TYW1: variants seen among roughly 807,000 people sequenced by gnomAD.
TYW1 encodes the protein tRNA-yW synthesizing protein 1 homolog, also known as S-adenosyl-L-methionine-dependent tRNA 4-demethylwyosine synthase TYW1.
In TYW1, 46 loss-of-function variants were observed where a neutral mutation model predicts 96.2. The observed-to-expected ratio is 0.48, with a 90% CI of 0.38 to 0.61. The LOEUF is 0.61. Ranked by LOEUF, TYW1 falls within the 20% of genes least tolerant of loss-of-function variation. The pLI is 0.00. For synonymous variants in TYW1, 274 were observed against 323.0 expected, an observed-to-expected ratio of 0.85 and a Z score of 1.63; for missense variants, 684 against 909.6, an observed-to-expected ratio of 0.75 and a Z score of 3.19.
At chr7:67,200,441 G>A (rs1180659463) in intron 15 of TYW1, among the ~76,000 whole-genome samples, 3 of 152,128 alleles carry the variant, frequency 2.0e-5, no homozygotes, top group Non-Finnish European at 2.9e-5. Context: ...GGTGTTAGAC[G>A]AGAGAAAAGA....
intron 13 of TYW1, among the ~76,000 whole-genome samples, chr7:67,180,424 A>ATATATATATT (rs1341437613): frequency 1.1e-3 from 91 of 81,876 alleles, no homozygotes; most frequent in Non-Finnish European, 1.8e-3. Context: ...ATATATATAT[A>ATATATATATT]ATTTTTTTTT....
intron 15 of TYW1, among the ~76,000 whole-genome samples, chr7:67,228,725 T>C (rs1801644524): frequency 6.6e-6 from 1 of 152,244 alleles, no homozygotes; most frequent in South Asian, 2.1e-4. Flanking sequence ...GACCTTTGTA[T>C]GATTAGAACT....
At chr7:67,078,778 C>T (rs1490511210) in intron 10 of TYW1, among the ~76,000 whole-genome samples, 1 of 151,986 alleles carries the variant, frequency 6.6e-6, no homozygotes, top group Non-Finnish European at 1.5e-5. Context: ...CTGCAACCTC[C>T]ACCTCCTGGG....
chr7:67,016,121 G>GA (rs1418890018), intron 5 of TYW1, among the ~76,000 whole-genome samples: 1 of 151,478 alleles, frequency 6.6e-6, no homozygotes, highest in Non-Finnish European at 1.5e-5. Context: ...CTCTACACTT[G>GA]AAAAAATGAA....
In TYW1 at chr7:67,149,526, A is replaced by G. The variant is rs1798723473; in HGVS notation, c.1698+31908A>G. ...GAGATATTGGATTGAAATAAATACC[A>G]TTTATATTCAGCCATTTGCACCTTC... On this transcript the variant is annotated intron_variant, in intron 13 of 15. Coordinates refer to ENST00000359626, the MANE Select transcript of TYW1 (RefSeq NM_018264.4). Among the ~76,000 whole-genome samples the G allele has an allele frequency of 4.6e-5, 7 of 152,136 alleles. No individual in the cohort carries two copies. In the South Asian group the frequency reaches 1.5e-3, roughly 32 times the overall value.
intron 10 of TYW1, among the ~76,000 whole-genome samples, chr7:67,076,506 C>T (rs914105990): frequency 2.4e-4 from 36 of 151,756 alleles, no homozygotes; most frequent in South Asian, 4.2e-4. Context: ...GACAGAGTCT[C>T]GCTCTTTTGC....
At position 66,998,195 on chromosome 7, in the gene TYW1, G is replaced by A. The variant is rs752949421; in HGVS notation, c.135G>A (p.Gln45=). 1.3e-6 allele frequency: 2 copies of A among 1,592,674 alleles called. No individual in the cohort carries two copies. Among genetic ancestry groups the A allele is most frequent in the Non-Finnish European group, 1.7e-6 (2 of 1,174,670 alleles). Residue 45 remains glutamine, a splice_region_variant and synonymous_variant, in exon 2 of 16, where the codon CAG becomes CAA. Transcript: ENST00000359626. ...WICVQIVIKT[Q]GKNLQEKSVP... is the part of the protein sequence containing the mutation. ...GTGTCCAGATTGTCATCAAGACGCA[G>A]GTAAGTGGAGTTATTTTTTTTTTAA... is the stretch of plus-strand genomic sequence containing the variant.
At chr7:67,004,687 C>G (rs1286839217) in intron 3 of TYW1, among the ~76,000 whole-genome samples, 3 of 152,144 alleles carry the variant, frequency 2.0e-5, no homozygotes, top group Admixed American at 6.6e-5. Flanking sequence ...ATTTGTTTGC[C>G]TGAAAGGATC....
At chr7:67,041,559 C>T (rs1262103838) in intron 7 of TYW1, among the ~76,000 whole-genome samples, 1 of 152,150 alleles carries the variant, frequency 6.6e-6, no homozygotes, top group East Asian at 1.9e-4. Flanking sequence ...CTCAGCCTCT[C>T]GAAGTGCTGG....
chr7:66,998,202 G>A lies in TYW1; in HGVS notation c.135+7G>A. 1 of 1,588,418 alleles carries A rather than the reference G, an allele frequency of 6.3e-7. No homozygotes were observed. The highest frequency in any genetic ancestry group is 8.5e-7 in the Non-Finnish European group (1 of 1,173,018). On this transcript the variant is annotated splice_region_variant and intron_variant, in intron 2 of 15. Transcript: ENST00000359626. ...GATTGTCATCAAGACGCAGGTAAGT[G>A]GAGTTATTTTTTTTTTAATGGAGTA...
At chr7:67,064,004 A>G (rs1795783851) in intron 9 of TYW1, among the ~76,000 whole-genome samples, 2 of 152,238 alleles carry the variant, frequency 1.3e-5, no homozygotes, top group South Asian at 2.1e-4. Flanking sequence ...TTAACAAAAC[A>G]TACACAGGAC....
At chr7:67,143,998 A>G (rs74466153) in intron 13 of TYW1, among the ~76,000 whole-genome samples, 39,601 of 152,182 alleles carry the variant, frequency 0.26, 5,656 homozygotes, top group African/African-American at 0.38. Flanking sequence ...CACTGAAAAC[A>G]AACAAAATCT....
chr7:67,189,444 T>C (rs1210317530), intron 14 of TYW1, among the ~76,000 whole-genome samples: 4 of 148,930 alleles, frequency 2.7e-5, no homozygotes. Context: ...TATGTGTATG[T>C]ATGTGTGTGT....
chr7:67,179,938 C>T lies in TYW1; in HGVS notation c.1699-3188C>T, dbSNP rs1277488996. 1.9e-5 allele frequency among the ~76,000 whole-genome samples: 2 copies of T among 103,482 alleles called. 1 individual carries two copies. Among genetic ancestry groups the T allele is most frequent in the African/African-American group, 8.3e-5 (2 of 24,042 alleles). 67.9% of individuals were successfully genotyped at this position (103,482 alleles called of 152,430 possible). A position where few individuals can be genotyped will look rare whatever the true frequency, so the allele number is the denominator to read the frequency against. On this transcript the variant is annotated intron_variant, in intron 13 of 15. Coordinates refer to ENST00000359626, the MANE Select transcript of TYW1 (RefSeq NM_018264.4). Reference sequence around the variant, plus strand: ...GGAGTGCGTTGGTGTGATCATGGCTCACGGCAGCCTCCACCTCCCAAGCTC... The same window carrying T: ...GGAGTGCGTTGGTGTGATCATGGCTTACGGCAGCCTCCACCTCCCAAGCTC...
chr7:67,026,142 G>A (rs748238075), intron 7 of TYW1, among the ~76,000 whole-genome samples: 11 of 151,908 alleles, frequency 7.2e-5, no homozygotes, highest in Admixed American at 2.0e-4. Flanking sequence ...GTGCAATCTC[G>A]GCTCACTGCA....
intron 11 of TYW1, among the ~76,000 whole-genome samples, chr7:67,095,424 C>T (rs1796868696): frequency 6.6e-6 from 1 of 151,386 alleles, no homozygotes; most frequent in African/African-American, 2.4e-5. Flanking sequence ...TGGTGGCTCA[C>T]GCCTGTAATC....
At chr7:67,102,941 G>A (rs946979516) in intron 12 of TYW1, among the ~76,000 whole-genome samples, 5 of 152,200 alleles carry the variant, frequency 3.3e-5, no homozygotes, top group African/African-American at 9.7e-5. Context: ...GAGCCATCAC[G>A]CCCGGTCACG....
intron 13 of TYW1, among the ~76,000 whole-genome samples, chr7:67,119,037 C>G (rs1797685705): frequency 6.6e-6 from 1 of 152,030 alleles, no homozygotes; most frequent in Non-Finnish European, 1.5e-5. Flanking sequence ...TTTGGCCTTT[C>G]TTGTGTGTTT....
At chr7:67,132,611 C>G (rs1241012597) in intron 13 of TYW1, among the ~76,000 whole-genome samples, 1 of 152,024 alleles carries the variant, frequency 6.6e-6, no homozygotes, top group Non-Finnish European at 1.5e-5. Flanking sequence ...GTATCATGTA[C>G]ATTCATATTA....
Sources: gnomAD v4.1 joint callset for allele counts (sites outside exome capture counted in the v4.1 genomes callset) on GRCh38, gnomAD v4.1.1 for gene constraint, MANE v1.5 for transcripts, NCBI Gene and HGNC (gene_info 2026-07-23, HGNC 2026-07-21) for gene names.